The following HDAC9 variants were observed in gnomAD, a reference collection of about 807,000 sequenced individuals.
HDAC9 encodes histone deacetylase 9, also known as MEF-2 interacting transcription repressor (MITR) protein.
A neutral mutation model predicts 139.4 loss-of-function variants in HDAC9; 41 were observed. The observed-to-expected ratio is 0.29, with a 90% confidence interval of 0.23 to 0.38. HDAC9 has a LOEUF of 0.38. Ranked by LOEUF, HDAC9 falls within the 10% of genes least tolerant of loss-of-function variation. The probability of loss-of-function intolerance (pLI) is 1.00; values close to 1 mark genes in which losing one functional copy is unlikely to be tolerated. For missense variants in HDAC9, 1,147 were observed against 1,297.0 expected (o/e 0.88, Z 1.78); for synonymous variants, 517 against 476.2 (o/e 1.09, Z -1.12).
intron 12 of HDAC9, among the ~76,000 whole-genome samples, chr7:18,684,432 G>A (rs1782114068): frequency 1.3e-5 from 2 of 151,710 alleles, no homozygotes; most frequent in African/African-American, 2.4e-5. Flanking sequence ...TTGAGCCCAG[G>A]AGTTCAAGAC....
At chr7:18,563,439 G>A (rs182380905) in intron 2 of HDAC9, among the ~76,000 whole-genome samples, 6 of 151,780 alleles carry the variant, frequency 4.0e-5, no homozygotes, top group African/African-American at 9.7e-5. Context: ...ATCTTCTTTT[G>A]TTGTTATTGT....
intron 1 of HDAC9, among the ~76,000 whole-genome samples, chr7:18,318,654 T>A (rs181489040): frequency 6.6e-6 from 1 of 152,322 alleles, no homozygotes; most frequent in East Asian, 1.9e-4. Flanking sequence ...TAACTACTGA[T>A]GATGATCAAT....
intron 22 of HDAC9, among the ~76,000 whole-genome samples, chr7:18,898,545 T>C (rs544383544): frequency 6.6e-6 from 1 of 151,978 alleles, no homozygotes; most frequent in South Asian, 2.1e-4. Flanking sequence ...TACTGTGAGT[T>C]TTATAAAGAA....
At chr7:18,450,782 C>T (rs1792745909) in intron 1 of HDAC9, among the ~76,000 whole-genome samples, 1 of 152,062 alleles carries the variant, frequency 6.6e-6, no homozygotes, top group Non-Finnish European at 1.5e-5. Context: ...GGTGAAGCTT[C>T]AGAGATTATA....
intron 2 of HDAC9, among the ~76,000 whole-genome samples, chr7:18,189,963 G>T (rs940879452): frequency 1.3e-5 from 2 of 151,968 alleles, no homozygotes; most frequent in African/African-American, 2.4e-5. Flanking sequence ...GTTTGAGACA[G>T]AGTTTTGCTC....
At chr7:18,284,371 A>G (rs1797301598) in intron 2 of HDAC9, among the ~76,000 whole-genome samples, 1 of 152,188 alleles carries the variant, frequency 6.6e-6, no homozygotes, top group Admixed American at 6.5e-5. Context: ...TCACAGGTTC[A>G]GATCCTGTGT....
chr7:18,451,616 G>C (rs1432708188), intron 1 of HDAC9, among the ~76,000 whole-genome samples: 1 of 151,814 alleles, frequency 6.6e-6, no homozygotes, highest in African/African-American at 2.4e-5. Context: ...TGTATCCACT[G>C]ATTTATGTGG....
chr7:18,439,505 C>G (rs934267063), intron 1 of HDAC9, among the ~76,000 whole-genome samples: 1 of 152,130 alleles, frequency 6.6e-6, no homozygotes, highest in African/African-American at 2.4e-5. Flanking sequence ...TCCCAACATC[C>G]TGTGCACCGA....
At chr7:18,835,694 G>A (rs185917363) in intron 20 of HDAC9, 108 bp downstream of exon 20, 7 of 1,426,856 alleles carry the variant, frequency 4.9e-6, no homozygotes, top group Admixed American at 1.7e-5. Context: ...TAAATTACAC[G>A]AGATTACTGA....
At chr7:18,690,798 T>C (rs901370840) in intron 12 of HDAC9, among the ~76,000 whole-genome samples, 5 of 152,034 alleles carry the variant, frequency 3.3e-5, no homozygotes, top group Non-Finnish European at 5.9e-5. Context: ...TAGCACATTT[T>C]GGCATTATGC....
intron 2 of HDAC9, among the ~76,000 whole-genome samples, chr7:18,208,372 C>CTTTT (rs71553923): frequency 0.01 from 1,350 of 130,508 alleles, 47 homozygotes; most frequent in African/African-American, 0.036. Flanking sequence ...CTGAGAGTAT[C>CTTTT]TTTTTTTTTT....
rs139784998 is a variant in HDAC9 at position 18,950,861 on chromosome 7, G to C, written c.2938-3285G>C. Reference sequence around the variant, plus strand: ...AATATTAAAATACTTGGCATATTTGGGAAACGTCAACACATAACAAAAACG... The same window carrying C: ...AATATTAAAATACTTGGCATATTTGCGAAACGTCAACACATAACAAAAACG... On this transcript the variant is annotated intron_variant, in intron 23 of 25. Coordinates refer to ENST00000686413, the MANE Select transcript of HDAC9 (RefSeq NM_178425.4). Among the ~76,000 whole-genome samples the C allele has an allele frequency of 5.8e-3, 886 of 151,948 alleles. 10 individuals are homozygous for C. Among genetic ancestry groups the C allele is most frequent in the African/African-American group, 0.021 (854 of 41,478 alleles).
At position 18,910,259 on chromosome 7, in the gene HDAC9, A is replaced by G. The variant is rs1466893175; in HGVS notation, c.2804-25550A>G. 4.6e-5 allele frequency among the ~76,000 whole-genome samples: 7 copies of G among 152,060 alleles called. No individual in the cohort carries two copies. In the South Asian group the frequency reaches 1.2e-3, roughly 27 times the overall value. Reference sequence around the variant, plus strand: ...TCATCAGTGTTTTACAGTTTTCATCATAGAAATCTTTGACCTCCTTGGTTA... The same window carrying G: ...TCATCAGTGTTTTACAGTTTTCATCGTAGAAATCTTTGACCTCCTTGGTTA... On this transcript the variant is annotated intron_variant, in intron 22 of 25. Coordinates refer to ENST00000686413, the MANE Select transcript of HDAC9 (RefSeq NM_178425.4).
At chr7:18,651,158 A>G (rs1789130610) in intron 11 of HDAC9, among the ~76,000 whole-genome samples, 2 of 152,182 alleles carry the variant, frequency 1.3e-5, no homozygotes, top group Non-Finnish European at 2.9e-5. Flanking sequence ...GCCCAAAGCT[A>G]ACATGTTTCT....
intron 13 of HDAC9, among the ~76,000 whole-genome samples, chr7:18,735,321 C>T (rs1345399083): frequency 6.6e-6 from 1 of 152,092 alleles, no homozygotes; most frequent in African/African-American, 2.4e-5. Flanking sequence ...ATGCCTATGG[C>T]CTGAATGGTA....
upstream of HDAC9, among the ~76,000 whole-genome samples, chr7:18,289,368 A>T (rs569657135): frequency 1.8e-4 from 27 of 152,314 alleles, no homozygotes; most frequent in African/African-American, 5.5e-4. Flanking sequence ...TAAGCTAAGT[A>T]TCACTGCATT....
In HDAC9 at chr7:18,999,619, AGT is replaced by A. The variant is rs1563123211; in HGVS notation, c.*3558_*3559del. ...ACGTCTGGCTAATTTTTGTATTTTT[AGT>A]AGAGACGGGGTTTCTCCATGTTGGT... On this transcript the variant is annotated 3_prime_UTR_variant, in exon 26 of 26. Coordinates refer to ENST00000686413, the MANE Select transcript of HDAC9 (RefSeq NM_178425.4). 6.6e-6 allele frequency: 1 copy of A among 152,108 alleles called. No individual in the cohort carries two copies. The highest frequency in any genetic ancestry group is 2.4e-5 in the African/African-American group (1 of 41,420). The allele number at this position is 152,108 out of a possible 1,614,324, so 9.4% of individuals were successfully genotyped here.
At position 18,122,360 on chromosome 7, in the gene HDAC9, A is replaced by G. The variant is rs1000785658; in HGVS notation, c.-97+35147A>G. 3.3e-5 allele frequency among the ~76,000 whole-genome samples: 5 copies of G among 152,174 alleles called. No homozygotes were observed. In the East Asian group the frequency reaches 5.8e-4, roughly 18 times the overall value. On this transcript the variant is annotated intron_variant, in intron 1 of 12. Transcript: ENST00000417496. Reference sequence around the variant, plus strand: ...GTAATGGAACTGACAGTGAGTGCCTACTGGGTTTCAGACACAGCGCTGGGA... The same window carrying G: ...GTAATGGAACTGACAGTGAGTGCCTGCTGGGTTTCAGACACAGCGCTGGGA...
At chr7:18,166,259 A>C (rs2128130107) in intron 2 of HDAC9, among the ~76,000 whole-genome samples, 2 of 152,330 alleles carry the variant, frequency 1.3e-5, no homozygotes, top group Non-Finnish European at 2.9e-5. Flanking sequence ...CTGTAACATT[A>C]GTTTTCAAAG....
Sources: allele counts gnomAD v4.1 joint callset (sites outside exome capture counted in the v4.1 genomes callset), GRCh38; gene constraint gnomAD v4.1.1; transcripts MANE v1.5; gene names NCBI Gene and HGNC (gene_info 2026-07-23, HGNC 2026-07-21).